WWOX: variants seen among roughly 807,000 people sequenced by gnomAD.
WWOX encodes the protein WW domain containing oxidoreductase.
A neutral mutation model predicts 46.2 loss-of-function variants in WWOX; 69 were observed. The observed-to-expected ratio is 1.49, with a 90% confidence interval of 1.23 to 1.82. The LOEUF is 1.82. Among genes scored for constraint, WWOX ranks in the 40% most tolerant of loss-of-function variants. The probability of loss-of-function intolerance (pLI) is 0.00; values close to 1 mark genes in which losing one functional copy is unlikely to be tolerated. For synonymous variants in WWOX, 359 were observed against 202.6 expected (o/e 1.77, Z -6.56); for missense variants, 919 against 542.6 (o/e 1.69, Z -6.89).
At position 78,523,899 on chromosome 16, in the gene WWOX, CA is replaced by C. The variant is rs550155340; in HGVS notation, c.1056+91148del. Among the ~76,000 whole-genome samples the C allele has an allele frequency of 2.8e-3, 433 of 152,344 alleles. 2 individuals are homozygous for C. The highest frequency in any genetic ancestry group is 0.01 in the African/African-American group (417 of 41,568). On this transcript the variant is annotated intron_variant, in intron 8 of 8. Coordinates refer to ENST00000566780, the MANE Select transcript of WWOX (RefSeq NM_016373.4). Reference sequence around the variant, plus strand: ...AGGATGAAGAAATTACAGGTAAGAACACAGCCCCATTTTAAGAAATACCAGT... The same window carrying C: ...AGGATGAAGAAATTACAGGTAAGAACCAGCCCCATTTTAAGAAATACCAGT...
intron 5 of WWOX, among the ~76,000 whole-genome samples, chr16:78,243,309 A>C (rs2037717030): frequency 6.6e-6 from 1 of 152,220 alleles, no homozygotes; most frequent in Non-Finnish European, 1.5e-5. Flanking sequence ...TATCTGCAGT[A>C]ACTGATGTGA....
intron 8 of WWOX, among the ~76,000 whole-genome samples, chr16:78,977,652 C>T (rs1036094008): frequency 2.6e-5 from 4 of 152,026 alleles, no homozygotes; most frequent in Admixed American, 6.6e-5. Context: ...AGCTCAGCCT[C>T]GAAAGAAGTG....
chr16:78,580,333 C>T (rs1160110694), intron 8 of WWOX, among the ~76,000 whole-genome samples: 1 of 152,160 alleles, frequency 6.6e-6, no homozygotes, highest in Non-Finnish European at 1.5e-5. Context: ...CTCGGCCTCC[C>T]AAAGTATTGG....
chr16:78,456,170 C>T lies in WWOX; in HGVS notation c.1056+23418C>T, dbSNP rs372498095. Among the ~76,000 whole-genome samples the T allele has an allele frequency of 7.2e-5, 11 of 152,254 alleles. No homozygotes were observed. The South Asian group carries it at 2.3e-3, about 32-fold the overall frequency. On this transcript the variant is annotated intron_variant, in intron 8 of 8. Coordinates refer to ENST00000566780, the MANE Select transcript of WWOX (RefSeq NM_016373.4). The stretch of plus-strand genomic sequence containing the variant: ...CTGCCACCCACAGCCTCTGTTGGCC[C>T]CAGGTTGTGTCTGAGATTCAGAGGT...
At chr16:78,404,148 G>C (rs1034588436) in intron 6 of WWOX, among the ~76,000 whole-genome samples, 9 of 152,122 alleles carry the variant, frequency 5.9e-5, no homozygotes, top group Non-Finnish European at 1.3e-4. Flanking sequence ...TGACTGTGTT[G>C]TGGATAATGG....
chr16:79,074,525 A>C lies in WWOX; in HGVS notation c.1057-137083A>C, dbSNP rs568508855. ...AATGGAGAGACCTGGGATTTTGGGGACAACAGTGACCATGAGGGGATCTCT... is the reference window on the plus strand; with the variant it reads ...AATGGAGAGACCTGGGATTTTGGGGCCAACAGTGACCATGAGGGGATCTCT... On this transcript the variant is annotated intron_variant, in intron 8 of 8. Coordinates refer to ENST00000566780, the MANE Select transcript of WWOX (RefSeq NM_016373.4). 4.2e-5 allele frequency among the ~76,000 whole-genome samples: 6 copies of C among 143,442 alleles called. No homozygotes were observed. The East Asian group carries it at 1.1e-3, about 27-fold the overall frequency. The allele number at this position is 143,442 out of a possible 152,430, so 94.1% of individuals were successfully genotyped here.
intron 8 of WWOX, among the ~76,000 whole-genome samples, chr16:78,910,577 G>C (rs2045084273): frequency 6.6e-6 from 1 of 151,342 alleles, no homozygotes; most frequent in Non-Finnish European, 1.5e-5. Context: ...ACATACCCAA[G>C]ACTGAGTAAT....
chr16:79,206,961 TGA>T lies in WWOX; in HGVS notation c.1057-4642_1057-4641del, dbSNP rs149715620. ...AGTTTGCTTTCATTTGTGTTTCCAA[TGA>T]GAGATTGAAGCTGTAATTGTTTGTG... On this transcript the variant is annotated intron_variant, in intron 8 of 8. Transcript: ENST00000566780. Among the ~76,000 whole-genome samples the T allele has an allele frequency of 1.4e-3, 218 of 152,312 alleles. 3 individuals are homozygous for T. The East Asian group carries it at 0.037, about 26-fold the overall frequency.
At position 78,984,874 on chromosome 16, in the gene WWOX, G is replaced by T. The variant is rs555112983; in HGVS notation, c.1057-226734G>T. ...CGAGGAAGAAGGGTGCATGGAGCGT[G>T]CAGGGGAAGAACTGATTCTTTTTTC... is the stretch of plus-strand genomic sequence containing the variant. On this transcript the variant is annotated intron_variant, in intron 8 of 8. Coordinates refer to ENST00000566780, the MANE Select transcript of WWOX (RefSeq NM_016373.4). Among the ~76,000 whole-genome samples, 4 of 152,310 alleles carry T rather than the reference G, an allele frequency of 2.6e-5. No individual in the cohort carries two copies. In the East Asian group the frequency reaches 5.8e-4, roughly 22 times the overall value.
chr16:79,006,222 A>T (rs1323950971), intron 8 of WWOX, among the ~76,000 whole-genome samples: 6 of 152,166 alleles, frequency 3.9e-5, no homozygotes, highest in African/African-American at 1.4e-4. Flanking sequence ...CCCAGTCTTT[A>T]AGGATAAGTG....
chr16:78,529,290 A>C (rs1466652849), intron 8 of WWOX, among the ~76,000 whole-genome samples: 2 of 152,146 alleles, frequency 1.3e-5, no homozygotes, highest in African/African-American at 4.8e-5. Context: ...AATTAAAAAC[A>C]GTCCTGTTGA....
chr16:79,171,799 T>A (rs903086709), intron 8 of WWOX, among the ~76,000 whole-genome samples: 1 of 152,190 alleles, frequency 6.6e-6, no homozygotes, highest in Non-Finnish European at 1.5e-5. Flanking sequence ...TTTTCTGATG[T>A]CCTGACAGCA....
At chr16:79,112,615 C>G (rs1490594572) in intron 8 of WWOX, among the ~76,000 whole-genome samples, 2 of 152,200 alleles carry the variant, frequency 1.3e-5, no homozygotes, top group Non-Finnish European at 2.9e-5. Context: ...GGTTTTATTT[C>G]TCACTCTCCC....
chr16:79,012,582 A>G (rs758922331), intron 8 of WWOX, among the ~76,000 whole-genome samples: 2 of 152,202 alleles, frequency 1.3e-5, no homozygotes, highest in African/African-American at 4.8e-5. Context: ...TTGAAGATCC[A>G]CATATGGCTG....
intron 8 of WWOX, among the ~76,000 whole-genome samples, chr16:78,654,592 T>G (rs1198109289): frequency 6.6e-6 from 1 of 152,214 alleles, no homozygotes; most frequent in Non-Finnish European, 1.5e-5. Context: ...ATAAATAGTT[T>G]TTTAGGTGAT....
At chr16:78,118,356 T>G (rs2032917018) in intron 4 of WWOX, among the ~76,000 whole-genome samples, 1 of 152,144 alleles carries the variant, frequency 6.6e-6, no homozygotes, top group Non-Finnish European at 1.5e-5. Context: ...AATGTCAGAA[T>G]AAAGCATTGT....
intron 8 of WWOX, among the ~76,000 whole-genome samples, chr16:79,019,563 C>G (rs1017545911): frequency 2.0e-5 from 3 of 152,092 alleles, no homozygotes; most frequent in African/African-American, 7.2e-5. Context: ...TGACTATCGT[C>G]TCTTTTAGGG....
chr16:78,942,921 C>T (rs900475002), intron 8 of WWOX, among the ~76,000 whole-genome samples: 1 of 152,196 alleles, frequency 6.6e-6, no homozygotes, highest in African/African-American at 2.4e-5. Context: ...ATCCCCTCCT[C>T]TCTCTCAAGG....
intron 8 of WWOX, among the ~76,000 whole-genome samples, chr16:78,730,142 C>G (rs2048934544): frequency 6.6e-6 from 1 of 152,094 alleles, no homozygotes; most frequent in South Asian, 2.1e-4. Flanking sequence ...GGGAATGAAA[C>G]TACTTGGGCA....
Sources: allele counts gnomAD v4.1 joint callset (sites outside exome capture counted in the v4.1 genomes callset), GRCh38; gene constraint gnomAD v4.1.1; transcripts MANE v1.5; gene names NCBI Gene and HGNC (gene_info 2026-07-23, HGNC 2026-07-21).